PALMD: variants seen among roughly 807,000 people sequenced by gnomAD.
PALMD encodes palmdelphin.
PALMD carries 42 observed loss-of-function variants against 56.2 expected under a neutral mutation model. The observed-to-expected ratio is 0.75, with a 90% CI of 0.58 to 0.97. PALMD has a LOEUF of 0.97. PALMD is among the 50% of genes least tolerant of loss of function. The pLI is 0.00. For synonymous variants in PALMD, 242 were observed against 222.9 expected, an observed-to-expected ratio of 1.09 and a Z score of -0.76; for missense variants, 660 against 643.8, an observed-to-expected ratio of 1.03 and a Z score of -0.27.
At chr1:99,654,758 T>C (rs1414580611) in intron 1 of PALMD, among the ~76,000 whole-genome samples, 1 of 152,150 alleles carries the variant, frequency 6.6e-6, no homozygotes, top group Non-Finnish European at 1.5e-5. Context: ...AGTAACTTTT[T>C]AAATTTCATC....
intron 3 of PALMD, among the ~76,000 whole-genome samples, chr1:99,679,802 C>T (rs1009350996): frequency 6.6e-6 from 1 of 152,104 alleles, no homozygotes; most frequent in African/African-American, 2.4e-5. Context: ...TTTCAAATTC[C>T]ATCCTGCCTC....
intron 2 of PALMD, among the ~76,000 whole-genome samples, chr1:99,664,152 A>T (rs1225438308): frequency 1.3e-5 from 2 of 152,172 alleles, no homozygotes; most frequent in African/African-American, 4.8e-5. Context: ...TTCACTGGAA[A>T]AAAGGGGTGT....
At chr1:99,692,226 G>A (rs1653666701) in intron 7 of PALMD, among the ~76,000 whole-genome samples, 1 of 152,138 alleles carries the variant, frequency 6.6e-6, no homozygotes, top group Non-Finnish European at 1.5e-5. Flanking sequence ...TGTCCTCTTA[G>A]AGGTGTCAGT....
chr1:99,658,337 A>G (rs1299753802), intron 1 of PALMD, among the ~76,000 whole-genome samples: 1 of 151,832 alleles, frequency 6.6e-6, no homozygotes, highest in Non-Finnish European at 1.5e-5. Context: ...AAAAACTATT[A>G]CATGTAATAA....
At chr1:99,685,449 G>C (rs1230129327) in intron 3 of PALMD, 3 of 152,154 alleles carry the variant, frequency 2.0e-5, no homozygotes, top group Non-Finnish European at 4.4e-5. Context: ...GAAACCAGGG[G>C]CTACTCCATT....
chr1:99,687,922 A>G (rs1274226683), intron 6 of PALMD, among the ~76,000 whole-genome samples: 29 of 152,170 alleles, frequency 1.9e-4, no homozygotes, highest in Admixed American at 1.9e-3. Flanking sequence ...AGAGGAGGTA[A>G]GAAATACAAA....
At position 99,689,872 on chromosome 1, in the gene PALMD, G is replaced by A; in HGVS notation, c.1612G>A (p.Ala538Thr). 1 of 1,591,052 alleles carries A rather than the reference G, an allele frequency of 6.3e-7. No homozygotes were observed. The highest frequency in any genetic ancestry group is 8.5e-7 in the Non-Finnish European group (1 of 1,173,278). The change falls in exon 7 of 8, where the codon GCT becomes ACT. Residue 538 changes from alanine (A) to threonine (T), a missense_variant and splice_region_variant. Physicochemically the swap from Ala to Thr is moderately conservative, Grantham distance 58. Transcript: ENST00000263174. ...TGGGACTGAGGATCCATCCTTAACAGGTAATAAAAATGACAAGGCATGCCA... is the reference window on the plus strand; with the variant it reads ...TGGGACTGAGGATCCATCCTTAACAAGTAATAAAAATGACAAGGCATGCCA... ...GDGTEDPSLTALRMRMAKLGK... is the reference protein window; with the variant it reads ...GDGTEDPSLTTLRMRMAKLGK...
At chr1:99,678,097 T>G (rs1338577) in intron 3 of PALMD, among the ~76,000 whole-genome samples, 110,694 of 151,334 alleles carry the variant, frequency 0.73, 40,947 homozygotes, top group African/African-American at 0.84. Context: ...AGGAGAAAAG[T>G]GTAAGTCCTT....
chr1:99,654,996 A>G (rs1288544448), intron 1 of PALMD, among the ~76,000 whole-genome samples: 5 of 152,208 alleles, frequency 3.3e-5, no homozygotes, highest in African/African-American at 9.6e-5. Flanking sequence ...AAACTTGAAT[A>G]TATCTAATTG....
At chr1:99,667,969 C>T (rs1571065954) in intron 3 of PALMD, 1 of 476,542 alleles carries the variant, frequency 2.1e-6, no homozygotes, top group East Asian at 3.5e-5. Flanking sequence ...ACTTCCACTC[C>T]CAGGGCTCAA....
intron 1 of PALMD, among the ~76,000 whole-genome samples, chr1:99,650,132 G>A (rs1652532535): frequency 6.6e-6 from 1 of 151,986 alleles, no homozygotes. Flanking sequence ...AGATGTGAAG[G>A]AGGTGAGTTC....
At chr1:99,650,371 C>A (rs934619211) in intron 1 of PALMD, among the ~76,000 whole-genome samples, 39 of 148,734 alleles carry the variant, frequency 2.6e-4, no homozygotes, top group African/African-American at 9.4e-4. Context: ...TCCCAAATAC[C>A]CAAATAAATT....
intron 3 of PALMD, among the ~76,000 whole-genome samples, chr1:99,679,644 T>C (rs537004344): frequency 1.3e-5 from 2 of 152,298 alleles, no homozygotes; most frequent in East Asian, 3.9e-4. Context: ...CTTCCTTCAT[T>C]ATCATAGAAA....
chr1:99,667,610 T>A, intron 2 of PALMD, 32 bp from the exon 3 acceptor site: 4 of 1,596,526 alleles, frequency 2.5e-6, no homozygotes, highest in Non-Finnish European at 3.4e-6. Context: ...TTGACCAATA[T>A]AAGAACATAT....
intron 1 of PALMD, among the ~76,000 whole-genome samples, chr1:99,648,451 A>C (rs1424897711): frequency 6.6e-6 from 1 of 152,240 alleles, no homozygotes; most frequent in Non-Finnish European, 1.5e-5. Flanking sequence ...CAGAGTATGC[A>C]GAGAGTTTGC....
At chr1:99,666,992 G>C (rs147691131) in intron 2 of PALMD, among the ~76,000 whole-genome samples, 1 of 152,118 alleles carries the variant, frequency 6.6e-6, no homozygotes, top group South Asian at 2.1e-4. Flanking sequence ...TAAATTTTGC[G>C]CTTAAGAATG....
chr1:99,683,058 G>GAAAGAAAGAA (rs1271225136), intron 3 of PALMD, among the ~76,000 whole-genome samples: 4 of 18,342 alleles, frequency 2.2e-4, no homozygotes, highest in South Asian at 1.9e-3. Flanking sequence ...GAAAGAAAGA[G>GAAAGAAAGAA]AGAGAGAGAG....
intron 2 of PALMD, among the ~76,000 whole-genome samples, chr1:99,664,503 T>A (rs1456136729): frequency 6.6e-6 from 1 of 152,116 alleles, no homozygotes; most frequent in African/African-American, 2.4e-5. Flanking sequence ...CATAAACTCA[T>A]AATAACAGTT....
rs869198897 is a variant in PALMD, at chr1:99,683,086, GAGAGAAAGAA to G, written c.252-3586_252-3577del. On this transcript the variant is annotated intron_variant, in intron 3 of 7. Coordinates refer to ENST00000263174, the MANE Select transcript of PALMD (RefSeq NM_017734.5). ...AGAGAGAGAGAGAGAGAGAGAGAGA[GAGAGAAAGAA>G]AGAAAGAAAGAAAGAAAGAAAGAAA... Among the ~76,000 whole-genome samples the G allele has an allele frequency of 4.7e-3, 78 of 16,536 alleles. 1 individual carries two copies. The highest frequency in any genetic ancestry group is 0.023 in the Middle Eastern group (1 of 44). The allele number at this position is 16,536 out of a possible 152,430, so 10.8% of individuals were successfully genotyped here.
Sources: allele counts gnomAD v4.1 joint callset (sites outside exome capture counted in the v4.1 genomes callset), GRCh38; gene constraint gnomAD v4.1.1; transcripts MANE v1.5; gene names NCBI Gene and HGNC (gene_info 2026-07-23, HGNC 2026-07-21).